Variants in CAST observed in about 807,000 individuals in gnomAD.
CAST encodes the protein calpastatin.
Under a neutral mutation model 119.6 loss-of-function variants are expected in CAST, and 76 were observed. The ratio of observed to expected loss-of-function variants is 0.64; its 90% CI spans 0.53 to 0.77. The LOEUF (loss-of-function observed/expected upper bound fraction) is 0.77, where lower values mean the gene tolerates loss of function less well. Ranked by LOEUF, CAST falls within the 30% of genes least tolerant of loss-of-function variation. The pLI, the probability that CAST is intolerant of heterozygous loss-of-function variation, is 0.00. For missense variants in CAST, 953 were observed against 946.5 expected (o/e 1.01, Z -0.09); for synonymous variants, 319 against 331.6 (o/e 0.96, Z 0.41).
chr5:96,643,438 A>G (rs557235385), intron 1 of CAST, among the ~76,000 whole-genome samples: 1 of 152,316 alleles, frequency 6.6e-6, no homozygotes, highest in African/African-American at 2.4e-5. Flanking sequence ...GGTGATAGCT[A>G]AAGAGTTTGG....
At chr5:96,500,975 C>A in the CAST span, among the ~76,000 whole-genome samples, 1 of 152,294 alleles carries the variant, frequency 6.6e-6, no homozygotes, top group Admixed American at 6.5e-5. Context: ...CCTGGCTACT[C>A]CTCCCAGAGA....
the CAST span, among the ~76,000 whole-genome samples, chr5:95,990,277 C>G: frequency 6.6e-6 from 1 of 152,018 alleles, no homozygotes; most frequent in African/African-American, 2.4e-5. Flanking sequence ...GAATTGCCAA[C>G]TTGCTTTGTG....
At chr5:96,418,172 T>A in the CAST span, among the ~76,000 whole-genome samples, 12 of 152,234 alleles carry the variant, frequency 7.9e-5, no homozygotes, top group African/African-American at 2.4e-4. Context: ...GTTTTCCTCC[T>A]CTTATCCTCA....
At chr5:96,472,288 T>C in the CAST span, among the ~76,000 whole-genome samples, 3 of 152,236 alleles carry the variant, frequency 2.0e-5, no homozygotes, top group South Asian at 6.2e-4. Context: ...GGATGGCAAA[T>C]ACATGGTAAG....
the CAST span, among the ~76,000 whole-genome samples, chr5:96,158,026 A>G: frequency 2.8e-4 from 42 of 152,230 alleles, no homozygotes; most frequent in African/African-American, 8.7e-4. Flanking sequence ...CAGCTCTTGG[A>G]ATGTAATTCC....
At chr5:96,035,073 A>G in the CAST span, among the ~76,000 whole-genome samples, 7 of 130,786 alleles carry the variant, frequency 5.4e-5, no homozygotes, top group Middle Eastern at 3.8e-3. Flanking sequence ...ATTTAAGTAT[A>G]TATATATATA....
chr5:96,449,724 T>C, the CAST span, among the ~76,000 whole-genome samples: 412 of 152,242 alleles, frequency 2.7e-3, 3 homozygotes, highest in African/African-American at 9.5e-3. Context: ...AAATGCGTTA[T>C]GTAATCCATC....
chr5:96,342,988 G>T, the CAST span, among the ~76,000 whole-genome samples: 2 of 152,112 alleles, frequency 1.3e-5, no homozygotes, highest in African/African-American at 4.8e-5. Context: ...AGAAAGGTGT[G>T]GGAATAGGGC....
chr5:96,248,532 G>A, the CAST span, among the ~76,000 whole-genome samples: 8 of 152,158 alleles, frequency 5.3e-5, no homozygotes, highest in African/African-American at 1.7e-4. Context: ...GTGGCAAGAT[G>A]GGATAAAACT....
At chr5:96,444,114 A>G in the CAST span, among the ~76,000 whole-genome samples, 1 of 152,200 alleles carries the variant, frequency 6.6e-6, no homozygotes, top group East Asian at 1.9e-4. Flanking sequence ...ACAGGGATTG[A>G]GAGTCCACCC....
chr5:96,311,023 G>T, the CAST span, among the ~76,000 whole-genome samples: 15 of 151,698 alleles, frequency 9.9e-5, no homozygotes, highest in Non-Finnish European at 2.2e-4. Flanking sequence ...CAACATTGTT[G>T]TTTTTTTGCT....
At chr5:96,575,872 G>A (rs1018033158) in intron 1 of CAST, among the ~76,000 whole-genome samples, 1 of 151,972 alleles carries the variant, frequency 6.6e-6, no homozygotes, top group African/African-American at 2.4e-5. Flanking sequence ...TGCACTCCTG[G>A]GCTCAAGGGA....
chr5:96,692,133 T>C (rs1286608968), intron 2 of CAST, among the ~76,000 whole-genome samples: 1 of 152,196 alleles, frequency 6.6e-6, no homozygotes. Context: ...GTAGATGAAT[T>C]CTTTCCTCAG....
chr5:96,269,377 A>G, the CAST span, among the ~76,000 whole-genome samples: 1 of 152,186 alleles, frequency 6.6e-6, no homozygotes, highest in Non-Finnish European at 1.5e-5. Context: ...GGGATTCGAC[A>G]TCCTACTCTC....
At chr5:96,492,238 T>C in the CAST span, among the ~76,000 whole-genome samples, 2 of 152,256 alleles carry the variant, frequency 1.3e-5, no homozygotes, top group African/African-American at 4.8e-5. Flanking sequence ...TTTGATTCCC[T>C]TAAAGTTTGA....
chr5:95,964,867 C>G, the CAST span: 4 of 151,468 alleles, frequency 2.6e-5, no homozygotes, highest in African/African-American at 9.8e-5. Context: ...TAAGACAGTT[C>G]AGTGCAGGAA....
chr5:96,552,150 T>C (rs891158459), intron 1 of CAST, among the ~76,000 whole-genome samples: 19 of 152,140 alleles, frequency 1.2e-4, no homozygotes, highest in Admixed American at 6.5e-5. Context: ...TATTCTAAAA[T>C]TGACCACATA....
the CAST span, among the ~76,000 whole-genome samples, chr5:96,355,665 T>G: frequency 6.6e-6 from 1 of 152,168 alleles, no homozygotes; most frequent in East Asian, 1.9e-4. Context: ...AGCATTGCTA[T>G]TTCTCCACGT....
chr5:96,637,044 A>G (rs1283561883), intron 1 of CAST, among the ~76,000 whole-genome samples: 1 of 152,202 alleles, frequency 6.6e-6, no homozygotes, highest in Admixed American at 6.5e-5. Context: ...GTTCAAGACC[A>G]TTACTGTGAC....
Sources: gnomAD v4.1 joint callset for allele counts (sites outside exome capture counted in the v4.1 genomes callset) on GRCh38, gnomAD v4.1.1 for gene constraint, MANE v1.5 for transcripts, NCBI Gene and HGNC (gene_info 2026-07-23, HGNC 2026-07-21) for gene names.